PCDHA10: variants seen among roughly 807,000 people sequenced by gnomAD.
PCDHA10 encodes protocadherin alpha 10.
Under a neutral mutation model 61.2 loss-of-function variants are expected in PCDHA10, and 45 were observed. That is an observed-to-expected ratio of 0.74 (90% CI 0.58 to 0.94). PCDHA10 has a LOEUF of 0.94. PCDHA10 is among the 40% of genes least tolerant of loss of function. The pLI, the probability that PCDHA10 is intolerant of heterozygous loss-of-function variation, is 0.00. For missense variants in PCDHA10, 1,278 were observed against 1,236.2 expected, an observed-to-expected ratio of 1.03 and a Z score of -0.51; for synonymous variants, 602 against 548.8, an observed-to-expected ratio of 1.10 and a Z score of -1.35.
At chr5:140,881,244 CG>C in intron 1 of PCDHA10, 1 of 397,012 alleles carries the variant, frequency 2.5e-6, no homozygotes, top group Non-Finnish European at 3.4e-6. Flanking sequence ...ATTTAAATGA[CG>C]GCAAGGTTTT....
At chr5:140,952,257 C>T (rs1224282193) in intron 1 of PCDHA10, among the ~76,000 whole-genome samples, 1 of 151,342 alleles carries the variant, frequency 6.6e-6, no homozygotes, top group Non-Finnish European at 1.5e-5. Flanking sequence ...GGTGGATTCC[C>T]ATTCTGGGGT....
chr5:140,871,877 G>A (rs1554165902), intron 1 of PCDHA10, among the ~76,000 whole-genome samples: 2 of 152,144 alleles, frequency 1.3e-5, no homozygotes, highest in African/African-American at 4.8e-5. Flanking sequence ...ATTTAAATTT[G>A]CTCCTCTTTG....
intron 1 of PCDHA10, among the ~76,000 whole-genome samples, chr5:140,962,849 T>C (rs1434907172): frequency 6.6e-6 from 1 of 152,214 alleles, no homozygotes; most frequent in African/African-American, 2.4e-5. Context: ...ATATAACTTG[T>C]GCTCGGTTTG....
chr5:140,915,785 A>T (rs188846929), intron 1 of PCDHA10, among the ~76,000 whole-genome samples: 14 of 152,134 alleles, frequency 9.2e-5, no homozygotes, highest in Admixed American at 7.2e-4. Flanking sequence ...TGCTGTAACC[A>T]CTACCTGACT....
Position 140,927,631 on chromosome 5 carries a change from C to T in PCDHA10, c.2389-51318C>T, listed in dbSNP as rs760961070. 1.7e-5 allele frequency: 28 copies of T among 1,614,068 alleles called. No homozygotes were observed. In the Admixed American group the frequency reaches 2.5e-4, roughly 14 times the overall value. On this transcript the variant is annotated intron_variant, in intron 1 of 3. Coordinates refer to ENST00000307360, the MANE Select transcript of PCDHA10 (RefSeq NM_018901.4). ...CCGCACCAAGGTTCCAGAGACTGCA[C>T]CCAATGGGACTGTGTTATTCCGAGT...
chr5:140,998,547 A>C (rs1173862918), intron 3 of PCDHA10, among the ~76,000 whole-genome samples: 4 of 150,288 alleles, frequency 2.7e-5, no homozygotes, highest in African/African-American at 9.8e-5. Flanking sequence ...TCCTAATTTA[A>C]TGTCTAATTT....
intron 1 of PCDHA10, among the ~76,000 whole-genome samples, chr5:140,886,340 G>A (rs2060950327): frequency 6.6e-6 from 1 of 151,864 alleles, no homozygotes; most frequent in East Asian, 1.9e-4. Flanking sequence ...TGTGCAGAAC[G>A]TGCAGGTTTG....
At chr5:140,979,486 C>T (rs1222755275) in intron 2 of PCDHA10, among the ~76,000 whole-genome samples, 1 of 152,032 alleles carries the variant, frequency 6.6e-6, no homozygotes, top group African/African-American at 2.4e-5. Flanking sequence ...TGTGTTCACA[C>T]CTATTAGAGC....
Position 140,856,713 on chromosome 5 carries a change from C to T in PCDHA10, c.665C>T (p.Thr222Ile). The change falls in exon 1 of 4, where the codon ACC (threonine) becomes ATC (isoleucine). Residue 222 changes from threonine to isoleucine, a missense_variant. Physicochemically the swap from Thr to Ile is moderately conservative, Grantham distance 89 (BLOSUM62 -1). Transcript: ENST00000307360. The stretch of plus-strand genomic sequence containing the variant: ...ACTGATGGAGGCAAACCTGAATTTA[C>T]CGGATCTGTTTCTCTGCTGATCCTG... Reference protein sequence around the residue: ...TATDGGKPEFTGSVSLLILVL... With the variant: ...TATDGGKPEFIGSVSLLILVL... 1 of 1,596,470 alleles carries T rather than the reference C, an allele frequency of 6.3e-7. No individual in the cohort carries two copies. Among genetic ancestry groups the T allele is most frequent in the Non-Finnish European group, 8.6e-7 (1 of 1,166,132 alleles).
Position 140,920,646 on chromosome 5 carries a change from C to T in PCDHA10, c.2389-58303C>T, listed in dbSNP as rs1210828369. Among the ~76,000 whole-genome samples, 4 of 152,014 alleles carry T rather than the reference C, an allele frequency of 2.6e-5. No individual in the cohort carries two copies. In the South Asian group the frequency reaches 8.3e-4, roughly 32 times the overall value. On this transcript the variant is annotated intron_variant, in intron 1 of 3. Coordinates refer to ENST00000307360, the MANE Select transcript of PCDHA10 (RefSeq NM_018901.4). ...GGATCACAAGGTCAAGAGATTGAGA[C>T]CATCCTTGCCAACATGGTGAAACCC...
chr5:140,888,447 A>G (rs1554183478), intron 1 of PCDHA10, among the ~76,000 whole-genome samples: 1 of 152,190 alleles, frequency 6.6e-6, no homozygotes, highest in Non-Finnish European at 1.5e-5. Context: ...CCCAACAATA[A>G]AGAATTAGCT....
At chr5:140,968,253 C>A (rs782229675) in intron 1 of PCDHA10, 3 of 1,613,908 alleles carry the variant, frequency 1.9e-6, no homozygotes, top group Non-Finnish European at 2.5e-6. Flanking sequence ...GCCACAGACC[C>A]AGATGAAAAG....
intron 1 of PCDHA10, chr5:140,877,139 T>C (rs781891057): frequency 8.7e-6 from 14 of 1,613,764 alleles, no homozygotes; most frequent in Admixed American, 1.7e-5. Context: ...GTGTTCGTGC[T>C]GGACGAGAAC....
At chr5:140,877,487 A>G in intron 1 of PCDHA10, 1 of 1,613,822 alleles carries the variant, frequency 6.2e-7, no homozygotes, top group Non-Finnish European at 8.5e-7. Context: ...CTGGTGGAGA[A>G]CGGCCAGGCC....
At chr5:140,918,982 G>C (rs1554198889) in intron 1 of PCDHA10, among the ~76,000 whole-genome samples, 1 of 152,188 alleles carries the variant, frequency 6.6e-6, no homozygotes, top group Non-Finnish European at 1.5e-5. Flanking sequence ...AGGTTAGTTG[G>C]TTTTTAGTGT....
chr5:140,894,819 G>T (rs974558361), intron 1 of PCDHA10, among the ~76,000 whole-genome samples: 6 of 151,474 alleles, frequency 4.0e-5, no homozygotes, highest in African/African-American at 1.2e-4. Context: ...TATCAGATTT[G>T]CCCATAATCC....
intron 1 of PCDHA10, chr5:140,966,954 G>T (rs782541612): frequency 6.2e-7 from 1 of 1,601,606 alleles, no homozygotes; most frequent in Non-Finnish European, 8.5e-7. Flanking sequence ...AACGTGGCTC[G>T]CGCGCTGGGG....
At position 141,011,045 on chromosome 5, in the gene PCDHA10, G is replaced by A. The variant is rs949707438; in HGVS notation, c.*1108G>A. 2 of 153,712 alleles carry A rather than the reference G, an allele frequency of 1.3e-5. No individual in the cohort carries two copies. Among genetic ancestry groups the A allele is most frequent in the African/African-American group, 4.8e-5 (2 of 41,422 alleles). The allele number at this position is 153,712 out of a possible 1,614,324, so 9.5% of individuals were successfully genotyped here. ...CAGCTTTACTCTTTCAGGTCACTCT[G>A]GGGCTGCCTCTTGCATGTATTACTA... On this transcript the variant is annotated 3_prime_UTR_variant, in exon 4 of 4. Coordinates refer to ENST00000307360, the MANE Select transcript of PCDHA10 (RefSeq NM_018901.4).
intron 1 of PCDHA10, among the ~76,000 whole-genome samples, chr5:140,935,394 G>A (rs959098226): frequency 2.0e-5 from 3 of 152,088 alleles, no homozygotes; most frequent in East Asian, 1.9e-4. Flanking sequence ...GTTATCCCAC[G>A]GGACTCAAAC....
Sources: allele counts gnomAD v4.1 joint callset (sites outside exome capture counted in the v4.1 genomes callset), GRCh38; gene constraint gnomAD v4.1.1; transcripts MANE v1.5; gene names NCBI Gene and HGNC (gene_info 2026-07-23, HGNC 2026-07-21).